The following AUTS2 variants were observed in gnomAD, a reference collection of about 807,000 sequenced individuals.
AUTS2 encodes the protein autism susceptibility gene 2 protein.
In AUTS2, 17 loss-of-function variants were observed where a neutral mutation model predicts 112.4. The observed-to-expected ratio is 0.15, with a 90% CI of 0.10 to 0.23. The LOEUF (loss-of-function observed/expected upper bound fraction) is 0.23. Among genes scored for constraint, AUTS2 ranks in the 10% least tolerant of loss-of-function variants. The probability of loss-of-function intolerance (pLI) is 1.00; values close to 1 mark genes in which losing one functional copy is unlikely to be tolerated. For missense variants in AUTS2, 1,510 were observed against 1,701.6 expected (o/e 0.89, Z 1.98); for synonymous variants, 751 against 702.7 (o/e 1.07, Z -1.09).
At chr7:70,700,628 G>A (rs950569358) in intron 6 of AUTS2, among the ~76,000 whole-genome samples, 3 of 152,104 alleles carry the variant, frequency 2.0e-5, no homozygotes, top group African/African-American at 4.8e-5. Flanking sequence ...GAAAGCATCG[G>A]GGACAGTTTT....
chr7:70,511,906 C>CT (rs2116792896), intron 5 of AUTS2, among the ~76,000 whole-genome samples: 1 of 152,230 alleles, frequency 6.6e-6, no homozygotes, highest in East Asian at 1.9e-4. Context: ...AGTGTTCCCA[C>CT]TTTCACTCTT....
At chr7:70,027,216 G>T (rs1225325618) in intron 2 of AUTS2, among the ~76,000 whole-genome samples, 5 of 152,262 alleles carry the variant, frequency 3.3e-5, no homozygotes, top group Admixed American at 6.5e-5. Flanking sequence ...AGGAGCATCT[G>T]TATTTGTCTG....
chr7:70,547,991 G>A (rs984458572), intron 5 of AUTS2, among the ~76,000 whole-genome samples: 1 of 152,172 alleles, frequency 6.6e-6, no homozygotes, highest in African/African-American at 2.4e-5. Flanking sequence ...ACGTGAAGTG[G>A]TATCTCATTA....
chr7:69,662,163 A>ATAGGTATT (rs1303917718), intron 1 of AUTS2, among the ~76,000 whole-genome samples: 2 of 150,140 alleles, frequency 1.3e-5, no homozygotes, highest in Admixed American at 1.3e-4. Context: ...AATAAGAATC[A>ATAGGTATT]TAGGTATTCA....
At chr7:70,717,670 CTG>C (rs1333450275) in intron 6 of AUTS2, among the ~76,000 whole-genome samples, 1 of 152,220 alleles carries the variant, frequency 6.6e-6, no homozygotes, top group African/African-American at 2.4e-5. Context: ...TATCCACTAT[CTG>C]TGTAGCTTCC....
At chr7:70,425,481 C>T (rs1020499739) in intron 4 of AUTS2, among the ~76,000 whole-genome samples, 1 of 152,132 alleles carries the variant, frequency 6.6e-6, no homozygotes, top group Admixed American at 6.5e-5. Flanking sequence ...ATTTTCTACT[C>T]CAAGAGGAGA....
intron 2 of AUTS2, among the ~76,000 whole-genome samples, chr7:69,982,106 A>G (rs1000781529): frequency 6.6e-6 from 1 of 152,256 alleles, no homozygotes; most frequent in Non-Finnish European, 1.5e-5. Flanking sequence ...AAATCAGTCA[A>G]CAAATAGGAA....
At chr7:70,410,485 G>A (rs979026376) in intron 4 of AUTS2, among the ~76,000 whole-genome samples, 1 of 151,566 alleles carries the variant, frequency 6.6e-6, no homozygotes, top group Non-Finnish European at 1.5e-5. Context: ...GTGCAGCAGT[G>A]CAATCACGGC....
At chr7:69,622,333 A>AT (rs1177173345) in intron 1 of AUTS2, among the ~76,000 whole-genome samples, 1 of 152,214 alleles carries the variant, frequency 6.6e-6, no homozygotes, top group East Asian at 1.9e-4. Context: ...TCCAACCCAG[A>AT]TTAATATGGT....
intron 4 of AUTS2, among the ~76,000 whole-genome samples, chr7:70,377,317 CAAATAT>C (rs1390896018): frequency 2.0e-5 from 1 of 49,636 alleles, no homozygotes; most frequent in African/African-American, 7.9e-5. Flanking sequence ...CTCAAACAAA[CAAATAT>C]AAATATATAT....
intron 2 of AUTS2, among the ~76,000 whole-genome samples, chr7:69,929,661 T>C (rs983530381): frequency 5.3e-5 from 8 of 152,222 alleles, no homozygotes; most frequent in Admixed American, 6.5e-5. Flanking sequence ...GTGTTTTTCA[T>C]CTCCGACAGC....
chr7:69,745,382 G>T (rs1787446123), intron 1 of AUTS2, among the ~76,000 whole-genome samples: 1 of 152,160 alleles, frequency 6.6e-6, no homozygotes, highest in Non-Finnish European at 1.5e-5. Context: ...ATGTTCCATT[G>T]CCCTATTCTG....
intron 4 of AUTS2, among the ~76,000 whole-genome samples, chr7:70,352,989 A>G (rs1427320466): frequency 6.6e-6 from 1 of 152,336 alleles, no homozygotes; most frequent in African/African-American, 2.4e-5. Context: ...GCTTTGTTTC[A>G]TCTGTTTAAT....
intron 6 of AUTS2, among the ~76,000 whole-genome samples, chr7:70,727,510 C>T (rs10282283): frequency 0.23 from 34,803 of 151,922 alleles, 4,848 homozygotes; most frequent in East Asian, 0.58. Context: ...TCACCACACC[C>T]GGCTAATTTT....
At chr7:70,183,907 T>C (rs1383340461) in intron 4 of AUTS2, among the ~76,000 whole-genome samples, 3 of 151,960 alleles carry the variant, frequency 2.0e-5, no homozygotes, top group Admixed American at 6.6e-5. Flanking sequence ...GCCTGTAATT[T>C]AGTTGCACCA....
intron 2 of AUTS2, among the ~76,000 whole-genome samples, chr7:69,986,944 T>C (rs1798535766): frequency 6.6e-6 from 1 of 152,168 alleles, no homozygotes; most frequent in Non-Finnish European, 1.5e-5. Flanking sequence ...GTTCCACAAA[T>C]AGTAGGTTCG....
At chr7:70,326,240 G>C (rs1283722931) in intron 4 of AUTS2, among the ~76,000 whole-genome samples, 1 of 152,100 alleles carries the variant, frequency 6.6e-6, no homozygotes, top group African/African-American at 2.4e-5. Context: ...CTCTCCCATA[G>C]GCCTTTTCTA....
intron 4 of AUTS2, among the ~76,000 whole-genome samples, chr7:70,379,520 AAAG>A (rs1793272227): frequency 6.6e-6 from 1 of 151,848 alleles, no homozygotes; most frequent in Admixed American, 6.6e-5. Flanking sequence ...AAAAAGAAAG[AAAG>A]AAAAACTATC....
At chr7:70,109,885 A>G (rs955649139) in intron 2 of AUTS2, among the ~76,000 whole-genome samples, 2 of 152,210 alleles carry the variant, frequency 1.3e-5, no homozygotes, top group African/African-American at 4.8e-5. Context: ...TTAGAATTAC[A>G]TTTTACAGCA....
Sources: gnomAD v4.1 joint callset for allele counts (sites outside exome capture counted in the v4.1 genomes callset) on GRCh38, gnomAD v4.1.1 for gene constraint, MANE v1.5 for transcripts, NCBI Gene and HGNC (gene_info 2026-07-23, HGNC 2026-07-21) for gene names.